Variants in ELOVL5 observed in about 807,000 individuals in gnomAD.
The protein encoded by ELOVL5 is very long chain fatty acid elongase 5.
A neutral mutation model predicts 38.6 loss-of-function variants in ELOVL5; 8 were observed. The ratio of observed to expected loss-of-function variants is 0.21; its 90% CI spans 0.12 to 0.37. The LOEUF is 0.37. Ranked by LOEUF, ELOVL5 falls within the 10% of genes least tolerant of loss-of-function variation. ELOVL5 has a pLI of 1.00. For synonymous variants in ELOVL5, 127 were observed against 133.7 expected (o/e 0.95, Z 0.34); for missense variants, 280 against 367.8 (o/e 0.76, Z 1.95).
chr6:53,324,797 T>C (rs1768462993), intron 1 of ELOVL5, among the ~76,000 whole-genome samples: 1 of 151,548 alleles, frequency 6.6e-6, no homozygotes. Flanking sequence ...GAATGGGCTA[T>C]CATACCAAAA....
intron 3 of ELOVL5, among the ~76,000 whole-genome samples, chr6:53,290,865 C>G (rs1489808679): frequency 6.6e-6 from 1 of 152,144 alleles, no homozygotes; most frequent in Non-Finnish European, 1.5e-5. Context: ...CCTCCCACCT[C>G]TACCTTCTTC....
At chr6:53,283,275 A>T (rs373977797) in intron 3 of ELOVL5, among the ~76,000 whole-genome samples, 11 of 152,332 alleles carry the variant, frequency 7.2e-5, no homozygotes, top group African/African-American at 2.6e-4. Flanking sequence ...AATCAGCTTA[A>T]ATTCAACTCC....
chr6:53,288,967 G>A (rs979188838), intron 3 of ELOVL5, among the ~76,000 whole-genome samples: 4 of 152,216 alleles, frequency 2.6e-5, no homozygotes, highest in Non-Finnish European at 2.9e-5. Context: ...TTGGGAGGTT[G>A]AGGCGGGAGA....
intron 3 of ELOVL5, among the ~76,000 whole-genome samples, chr6:53,291,052 A>G (rs1766754549): frequency 6.6e-6 from 1 of 152,202 alleles, no homozygotes; most frequent in Non-Finnish European, 1.5e-5. Context: ...GCTTACCACC[A>G]GAGGGAAGCT....
At chr6:53,321,123 C>T (rs1359931572) in intron 1 of ELOVL5, among the ~76,000 whole-genome samples, 2 of 152,252 alleles carry the variant, frequency 1.3e-5, no homozygotes, top group Non-Finnish European at 2.9e-5. Context: ...TCCCTGCCTT[C>T]TTCCTTACGT....
chr6:53,277,189 A>G (rs1489076850), intron 3 of ELOVL5: 1 of 153,722 alleles, frequency 6.5e-6, no homozygotes, highest in Non-Finnish European at 1.5e-5. Context: ...ACACCTTGTG[A>G]TATTTCCACC....
rs368923638 is a variant in ELOVL5 at position 53,276,268 on chromosome 6, G to C, written c.247-12C>G. Reference sequence around the variant, plus strand: ...ACTCCTGTTACTAACTAAAAAAGAAGAAAGAGCCAGTCACCAACAGCATCT... The same window carrying C: ...ACTCCTGTTACTAACTAAAAAAGAACAAAGAGCCAGTCACCAACAGCATCT... On this transcript the variant is annotated splice_polypyrimidine_tract_variant and intron_variant, in intron 3 of 7. Transcript: ENST00000304434. 41 of 1,574,794 alleles carry C rather than the reference G, an allele frequency of 2.6e-5. No homozygotes were observed. The highest frequency in any genetic ancestry group is 1.7e-4 in the Middle Eastern group (1 of 6,000).
chr6:53,293,864 G>A (rs1041704799), intron 2 of ELOVL5, among the ~76,000 whole-genome samples: 1 of 152,188 alleles, frequency 6.6e-6, no homozygotes, highest in African/African-American at 2.4e-5. Context: ...TATGGTCACG[G>A]AGGGTGTTAC....
chr6:53,312,974 G>A (rs1049715167), intron 1 of ELOVL5, among the ~76,000 whole-genome samples: 4 of 152,200 alleles, frequency 2.6e-5, no homozygotes, highest in Admixed American at 2.0e-4. Flanking sequence ...GTGGTCTGAT[G>A]AAGCTTCCCA....
chr6:53,293,904 G>C (rs75266035), intron 2 of ELOVL5, among the ~76,000 whole-genome samples: 3,190 of 152,282 alleles, frequency 0.021, 126 homozygotes, highest in African/African-American at 0.073. Context: ...GTTGTGCTTA[G>C]AAGTCATTCA....
At chr6:53,307,952 A>C (rs970409025) in intron 1 of ELOVL5, among the ~76,000 whole-genome samples, 2 of 152,060 alleles carry the variant, frequency 1.3e-5, no homozygotes, top group African/African-American at 4.8e-5. Flanking sequence ...CACATCTCCA[A>C]CTCTATTGCC....
intron 2 of ELOVL5, chr6:53,294,445 A>G: frequency 6.4e-7 from 1 of 1,550,616 alleles, no homozygotes; most frequent in Non-Finnish European, 8.7e-7. Context: ...GCCATCCTAC[A>G]ACTGTGTGAA....
chr6:53,296,871 A>G (rs1170628641), intron 1 of ELOVL5, among the ~76,000 whole-genome samples: 1 of 152,232 alleles, frequency 6.6e-6, no homozygotes, highest in African/African-American at 2.4e-5. Flanking sequence ...GCTGTTAATC[A>G]TTTAGCAATA....
chr6:53,290,901 C>T (rs537078863), intron 3 of ELOVL5, among the ~76,000 whole-genome samples: 6 of 152,192 alleles, frequency 3.9e-5, no homozygotes, highest in East Asian at 3.9e-4. Context: ...AGAACTAAAA[C>T]CAAAATGAAA....
intron 1 of ELOVL5, among the ~76,000 whole-genome samples, chr6:53,300,420 T>C (rs1767203973): frequency 6.6e-6 from 1 of 151,936 alleles, no homozygotes; most frequent in Admixed American, 6.5e-5. Flanking sequence ...ATATATTAAT[T>C]ACAGACAGAA....
rs537708785 is a variant in ELOVL5, at chr6:53,270,783, C to A, written c.622-56G>T. The A allele has an allele frequency of 8.8e-6, 14 of 1,595,658 alleles. No homozygotes were observed. In the South Asian group the frequency reaches 1.4e-4, roughly 17 times the overall value. ...GGGACAGTGCATGGACGAGGCCCCA[C>A]ACCAGGCAGACTTTTTAACCAGCAT... is the stretch of plus-strand genomic sequence containing the variant. On this transcript the variant is annotated intron_variant, in intron 6 of 7. Coordinates refer to ENST00000304434, the MANE Select transcript of ELOVL5 (RefSeq NM_021814.5).
At chr6:53,324,346 A>G (rs1463614980) in intron 1 of ELOVL5, among the ~76,000 whole-genome samples, 1 of 152,106 alleles carries the variant, frequency 6.6e-6, no homozygotes, top group Non-Finnish European at 1.5e-5. Context: ...TTATATAACT[A>G]AAAGTAACAT....
chr6:53,318,333 T>C (rs1290785287), intron 1 of ELOVL5, among the ~76,000 whole-genome samples: 2 of 152,322 alleles, frequency 1.3e-5, no homozygotes, highest in Non-Finnish European at 2.9e-5. Context: ...CGAGTACATG[T>C]CTGAAAACCT....
chr6:53,319,906 T>C (rs565348153), intron 1 of ELOVL5, among the ~76,000 whole-genome samples: 11 of 152,368 alleles, frequency 7.2e-5, no homozygotes, highest in Non-Finnish European at 1.3e-4. Context: ...TCATATTATC[T>C]GGTTTGATCC....
Sources: allele counts gnomAD v4.1 joint callset (sites outside exome capture counted in the v4.1 genomes callset), GRCh38; gene constraint gnomAD v4.1.1; transcripts MANE v1.5; gene names NCBI Gene and HGNC (gene_info 2026-07-23, HGNC 2026-07-21).